Variants in LCLAT1 observed in about 807,000 individuals in gnomAD.
LCLAT1 encodes the protein lysocardiolipin acyltransferase 1, also known as 1-AGP acyltransferase 8.
LCLAT1 carries 11 observed loss-of-function variants against 30.7 expected under a neutral mutation model. That is an observed-to-expected ratio of 0.36 (90% CI 0.23 to 0.59). The LOEUF is 0.59. Ranked by LOEUF, LCLAT1 falls within the 20% of genes least tolerant of loss-of-function variation. The pLI is 0.77. For missense variants in LCLAT1, 402 were observed against 458.6 expected (o/e 0.88, Z 1.13); for synonymous variants, 155 against 151.3 (o/e 1.02, Z -0.18).
chr2:30,569,841 T>C (rs1269434063), intron 5 of LCLAT1, among the ~76,000 whole-genome samples: 1 of 152,320 alleles, frequency 6.6e-6, no homozygotes, highest in East Asian at 1.9e-4. Flanking sequence ...CATGGACTTG[T>C]GGACTTGATA....
intron 1 of LCLAT1, among the ~76,000 whole-genome samples, chr2:30,468,976 G>T (rs1183524487): frequency 6.6e-6 from 1 of 152,098 alleles, no homozygotes; most frequent in Admixed American, 6.5e-5. Flanking sequence ...TCTCATTGTG[G>T]TTTTGATTTG....
At chr2:30,529,563 C>T (rs75497212) in intron 2 of LCLAT1, among the ~76,000 whole-genome samples, 71 of 152,216 alleles carry the variant, frequency 4.7e-4, no homozygotes, top group African/African-American at 1.5e-3. Flanking sequence ...TCTAACTAAC[C>T]GACAGTCTGA....
In LCLAT1 at chr2:30,525,696, C is replaced by T. The variant is rs542028384; in HGVS notation, c.106C>T (p.Pro36Ser). ...CTTTTTACCTTTGATGTTTGTAAAC[C>T]CATCTTGGTATCGCTGGATCAACAA... Reference protein sequence around the residue: ...SPFLPLMFVNPSWYRWINNRL... With the variant: ...SPFLPLMFVNSSWYRWINNRL... The change falls in exon 2 of 6, where the codon CCA (proline) becomes TCA (serine). Residue 36 changes from proline to serine, a missense_variant. Transcript: ENST00000379509. 18 of 1,613,902 alleles carry T rather than the reference C, an allele frequency of 1.1e-5. No individual in the cohort carries two copies. In the Admixed American group the frequency reaches 1.3e-4, roughly 12 times the overall value.
At chr2:30,541,042 A>C (rs1349943168) in intron 3 of LCLAT1, among the ~76,000 whole-genome samples, 1 of 152,114 alleles carries the variant, frequency 6.6e-6, no homozygotes, top group Non-Finnish European at 1.5e-5. Flanking sequence ...GGTTATACAA[A>C]TTCTTAGTAG....
intron 5 of LCLAT1, among the ~76,000 whole-genome samples, chr2:30,588,487 C>T (rs1666540066): frequency 6.6e-6 from 1 of 152,188 alleles, no homozygotes; most frequent in South Asian, 2.1e-4. Context: ...ATTGTTAGAG[C>T]AGTTAGGAGC....
At chr2:30,505,982 A>G (rs1331236211) in intron 1 of LCLAT1, among the ~76,000 whole-genome samples, 1 of 152,126 alleles carries the variant, frequency 6.6e-6, no homozygotes, top group African/African-American at 2.4e-5. Flanking sequence ...GACTTCCCCC[A>G]GGGAATTACC....
intron 5 of LCLAT1, among the ~76,000 whole-genome samples, chr2:30,575,007 G>A (rs1572645929): frequency 6.6e-6 from 1 of 152,230 alleles, no homozygotes; most frequent in Middle Eastern, 3.4e-3. Context: ...AGTCTGTGTG[G>A]CTCTTTTGGT....
At chr2:30,528,345 G>A (rs72856694) in intron 2 of LCLAT1, among the ~76,000 whole-genome samples, 2,026 of 152,274 alleles carry the variant, frequency 0.013, 33 homozygotes, top group African/African-American at 0.046. Context: ...ACTGCTAGTA[G>A]CATTACTATT....
intron 1 of LCLAT1, among the ~76,000 whole-genome samples, chr2:30,490,349 C>T (rs944592282): frequency 6.6e-6 from 1 of 151,954 alleles, no homozygotes; most frequent in African/African-American, 2.4e-5. Flanking sequence ...ACTACAGGTG[C>T]GTGTCACCAC....
At chr2:30,486,617 G>T (rs1341875481) in intron 1 of LCLAT1, among the ~76,000 whole-genome samples, 1 of 152,160 alleles carries the variant, frequency 6.6e-6, no homozygotes, top group African/African-American at 2.4e-5. Flanking sequence ...TAGTGGCAGA[G>T]ACTACCAAAT....
At chr2:30,545,396 T>C (rs1325433392) in intron 3 of LCLAT1, among the ~76,000 whole-genome samples, 2 of 152,152 alleles carry the variant, frequency 1.3e-5, no homozygotes, top group African/African-American at 4.8e-5. Flanking sequence ...TAGAATATAA[T>C]TATCTGGTCT....
At chr2:30,475,509 A>AT (rs1336964955) in intron 1 of LCLAT1, among the ~76,000 whole-genome samples, 1 of 152,194 alleles carries the variant, frequency 6.6e-6, no homozygotes, top group East Asian at 1.9e-4. Flanking sequence ...GATAATCTGG[A>AT]TTACTGACCT....
chr2:30,537,579 A>G (rs1190790328), intron 3 of LCLAT1, among the ~76,000 whole-genome samples: 1 of 152,012 alleles, frequency 6.6e-6, no homozygotes, highest in Admixed American at 6.6e-5. Context: ...ACCCAGATAT[A>G]TAAAGCAAAT....
chr2:30,481,385 A>T (rs910967813), intron 1 of LCLAT1, among the ~76,000 whole-genome samples: 1 of 152,188 alleles, frequency 6.6e-6, no homozygotes, highest in African/African-American at 2.4e-5. Flanking sequence ...ACAAAGGAAG[A>T]GGGAGGAGGA....
intron 5 of LCLAT1, among the ~76,000 whole-genome samples, chr2:30,592,084 C>G (rs559919794): frequency 6.6e-6 from 1 of 152,222 alleles, no homozygotes; most frequent in Admixed American, 6.5e-5. Context: ...ACTAAGCACT[C>G]CATATATGTG....
At chr2:30,509,171 A>G (rs920162626) in intron 1 of LCLAT1, among the ~76,000 whole-genome samples, 1 of 152,168 alleles carries the variant, frequency 6.6e-6, no homozygotes, top group African/African-American at 2.4e-5. Flanking sequence ...TTTTTGGGCC[A>G]AGACTTTGGG....
chr2:30,611,025 C>T (rs1333320068), intron 5 of LCLAT1, among the ~76,000 whole-genome samples: 3 of 150,306 alleles, frequency 2.0e-5, no homozygotes, highest in African/African-American at 7.3e-5. Context: ...ATCTTTCCCC[C>T]AATATTCCTC....
intron 1 of LCLAT1, among the ~76,000 whole-genome samples, chr2:30,469,922 C>T (rs1021789362): frequency 2.6e-5 from 4 of 151,956 alleles, no homozygotes; most frequent in African/African-American, 7.3e-5. Context: ...GTAGAGATGG[C>T]GTTTCGCTGT....
At chr2:30,501,617 G>T (rs1684395046) in intron 1 of LCLAT1, among the ~76,000 whole-genome samples, 2 of 152,152 alleles carry the variant, frequency 1.3e-5, no homozygotes, top group Admixed American at 1.3e-4. Flanking sequence ...GGAGGTTGCA[G>T]TGAGCCGAGA....
Sources: allele counts gnomAD v4.1 joint callset (sites outside exome capture counted in the v4.1 genomes callset), GRCh38; gene constraint gnomAD v4.1.1; transcripts MANE v1.5; gene names NCBI Gene and HGNC (gene_info 2026-07-23, HGNC 2026-07-21).